The following PRELID2 variants were observed in gnomAD, a reference collection of about 807,000 sequenced individuals.
PRELID2 encodes PRELI domain-containing protein 2.
In PRELID2, 25 loss-of-function variants were observed where a neutral mutation model predicts 28.4. The observed-to-expected ratio is 0.88, with a 90% CI of 0.64 to 1.23. The LOEUF is 1.23. PRELID2 is among the 50% of genes most tolerant of loss of function. The pLI is 0.00. For missense variants in PRELID2, 201 were observed against 214.4 expected (o/e 0.94, Z 0.39); for synonymous variants, 76 against 71.6 (o/e 1.06, Z -0.31).
chr5:145,606,634 T>C (rs1292800050), intron 1 of PRELID2, among the ~76,000 whole-genome samples: 1 of 152,140 alleles, frequency 6.6e-6, no homozygotes, highest in African/African-American at 2.4e-5. Flanking sequence ...CATGGTGGAT[T>C]AAGTTTTTGA....
chr5:145,591,804 A>G (rs534968401), intron 1 of PRELID2, among the ~76,000 whole-genome samples: 19 of 152,334 alleles, frequency 1.2e-4, no homozygotes, highest in Admixed American at 5.9e-4. Flanking sequence ...TCAGCATTTG[A>G]CTTGCATACT....
intron 1 of PRELID2, among the ~76,000 whole-genome samples, chr5:145,637,810 CTTT>C (rs547110066): frequency 4.6e-5 from 6 of 130,710 alleles, no homozygotes; most frequent in Non-Finnish European, 3.3e-5. Flanking sequence ...CAAAACCATT[CTTT>C]TTTTTTTTTT....
At chr5:145,439,073 A>T in the PRELID2 span, among the ~76,000 whole-genome samples, 2 of 152,034 alleles carry the variant, frequency 1.3e-5, no homozygotes, top group Non-Finnish European at 2.9e-5. Flanking sequence ...TTCCTTGGTG[A>T]TCCTCCTTTA....
At chr5:145,543,728 A>AT (rs556280748) in intron 1 of PRELID2, among the ~76,000 whole-genome samples, 25 of 152,074 alleles carry the variant, frequency 1.6e-4, no homozygotes, top group African/African-American at 5.1e-4. Flanking sequence ...AGAAATTGGC[A>AT]TTTTTTTCCC....
chr5:145,533,681 C>T (rs1561501326), intron 1 of PRELID2, among the ~76,000 whole-genome samples: 1 of 152,038 alleles, frequency 6.6e-6, no homozygotes, highest in Non-Finnish European at 1.5e-5. Context: ...ATATATATTT[C>T]CCTCTTAAAT....
chr5:145,412,722 C>A, the PRELID2 span, among the ~76,000 whole-genome samples: 1 of 152,152 alleles, frequency 6.6e-6, no homozygotes, highest in Non-Finnish European at 1.5e-5. Flanking sequence ...CAATTTACTG[C>A]ATTAGTTTGT....
At chr5:145,608,040 GT>G (rs112958431) in intron 1 of PRELID2, among the ~76,000 whole-genome samples, 6,934 of 136,906 alleles carry the variant, frequency 0.051, 378 homozygotes, top group African/African-American at 0.14. Flanking sequence ...TTTAAAGCCC[GT>G]TTTTTTTTTT....
the PRELID2 span, among the ~76,000 whole-genome samples, chr5:145,435,084 C>G: frequency 1.9e-3 from 284 of 152,324 alleles, no homozygotes; most frequent in South Asian, 2.7e-3. Context: ...ACTGCTGTAG[C>G]AGCTGGGAAC....
the PRELID2 span, among the ~76,000 whole-genome samples, chr5:145,326,069 C>T: frequency 6.6e-6 from 1 of 152,154 alleles, no homozygotes; most frequent in Non-Finnish European, 1.5e-5. Flanking sequence ...AGTACAGTAA[C>T]ATGATCATAG....
the PRELID2 span, among the ~76,000 whole-genome samples, chr5:145,273,993 G>T: frequency 6.6e-6 from 1 of 152,134 alleles, no homozygotes; most frequent in Non-Finnish European, 1.5e-5. Context: ...AGAGGGACAG[G>T]GGTGCGTGAT....
chr5:145,328,951 T>C, the PRELID2 span, among the ~76,000 whole-genome samples: 3 of 152,330 alleles, frequency 2.0e-5, no homozygotes, highest in Non-Finnish European at 2.9e-5. Context: ...TTAATTTTTG[T>C]ATAAGGTGTA....
At chr5:145,467,882 T>G (rs1458932400), downstream of PRELID2, among the ~76,000 whole-genome samples, 2 of 151,942 alleles carry the variant, frequency 1.3e-5, no homozygotes, top group African/African-American at 4.8e-5. Context: ...AAAGTTAATT[T>G]ATTTACTTTG....
In PRELID2 at chr5:145,814,001, C is replaced by T. The variant is rs529473938; in HGVS notation, c.368+3893G>A. ...AAACAACCTAAGTTTCAATGAGGAA[C>T]AGACCAAGAAAATCATGTAAACAAA... is the stretch of plus-strand genomic sequence containing the variant. On this transcript the variant is annotated intron_variant, in intron 4 of 6. Coordinates refer to ENST00000683046, the MANE Select transcript of PRELID2 (RefSeq NM_205846.3). Among the ~76,000 whole-genome samples, 3 of 152,288 alleles carry T rather than the reference C, an allele frequency of 2.0e-5. No individual in the cohort carries two copies. In the South Asian group the frequency reaches 6.2e-4, roughly 32 times the overall value.
the PRELID2 span, among the ~76,000 whole-genome samples, chr5:145,351,088 G>C: frequency 6.6e-6 from 1 of 152,246 alleles, no homozygotes; most frequent in East Asian, 1.9e-4. Context: ...GGAAATTGAG[G>C]CCAAAAGATA....
intron 1 of PRELID2, among the ~76,000 whole-genome samples, chr5:145,607,238 A>G (rs1384262337): frequency 2.0e-5 from 3 of 151,934 alleles, no homozygotes; most frequent in East Asian, 1.9e-4. Flanking sequence ...TGTGTGTCTC[A>G]ATTTCCTTCA....
chr5:145,565,484 T>C (rs536666950), intron 1 of PRELID2, among the ~76,000 whole-genome samples: 9 of 152,354 alleles, frequency 5.9e-5, no homozygotes, highest in South Asian at 2.1e-4. Flanking sequence ...AGAAAAGGTG[T>C]ATTTAACCTC....
chr5:145,613,355 T>C (rs912407184), intron 1 of PRELID2, among the ~76,000 whole-genome samples: 3 of 151,936 alleles, frequency 2.0e-5, no homozygotes, highest in Non-Finnish European at 4.4e-5. Context: ...GCAGGTTTGT[T>C]ACATATGTAT....
At chr5:145,447,745 G>A in the PRELID2 span, among the ~76,000 whole-genome samples, 32 of 120,036 alleles carry the variant, frequency 2.7e-4, no homozygotes, top group African/African-American at 1.0e-3. Flanking sequence ...TCTTGCAATA[G>A]TTTACTGAGA....
At chr5:145,408,149 C>A in the PRELID2 span, among the ~76,000 whole-genome samples, 2 of 152,012 alleles carry the variant, frequency 1.3e-5, no homozygotes, top group Admixed American at 1.3e-4. Flanking sequence ...AAATCTGAAC[C>A]GCAGCCCTTG....
Sources: gnomAD v4.1 joint callset for allele counts (sites outside exome capture counted in the v4.1 genomes callset) on GRCh38, gnomAD v4.1.1 for gene constraint, MANE v1.5 for transcripts, NCBI Gene and HGNC (gene_info 2026-07-23, HGNC 2026-07-21) for gene names.